The following PLA2R1 variants were observed in gnomAD, a reference collection of about 807,000 sequenced individuals.
PLA2R1 encodes the protein secretory phospholipase A2 receptor.
Under a neutral mutation model 195.9 loss-of-function variants are expected in PLA2R1, and 158 were observed. The observed-to-expected ratio is 0.81, with a 90% CI of 0.71 to 0.92. The LOEUF is 0.92. Ranked by LOEUF, PLA2R1 falls within the 40% of genes least tolerant of loss-of-function variation. The probability of loss-of-function intolerance (pLI) is 0.00; values close to 1 mark genes in which losing one functional copy is unlikely to be tolerated. For missense variants in PLA2R1, 1,626 were observed against 1,764.6 expected, an observed-to-expected ratio of 0.92 and a Z score of 1.41; for synonymous variants, 586 against 598.2, an observed-to-expected ratio of 0.98 and a Z score of 0.30.
At chr2:160,058,038 T>C (rs11901391) in intron 1 of PLA2R1, among the ~76,000 whole-genome samples, 36,709 of 151,882 alleles carry the variant, frequency 0.24, 5,141 homozygotes, top group East Asian at 0.4. Context: ...TGAGCCCCAG[T>C]GGTCTGTGGT....
Position 159,962,466 on chromosome 2 carries a change from C to G in PLA2R1, c.2904+5073G>C, listed in dbSNP as rs186659626. On this transcript the variant is annotated intron_variant, in intron 20 of 29. Transcript: ENST00000283243. ...GTAAATTAGTTAAACCATTGTGGAA[C>G]ACAGTGTGGTGATTCCCCAAGGATC... Among the ~76,000 whole-genome samples, 712 of 152,252 alleles carry G rather than the reference C, an allele frequency of 4.7e-3. 2 individuals carry two copies. Among genetic ancestry groups the G allele is most frequent in the Middle Eastern group, 0.014 (4 of 294 alleles).
chr2:159,948,595 T>G (rs1333044373), intron 25 of PLA2R1, among the ~76,000 whole-genome samples: 1 of 133,842 alleles, frequency 7.5e-6, no homozygotes, highest in Non-Finnish European at 1.5e-5. Flanking sequence ...ATTCAATAAA[T>G]GCATTGTTAT....
chr2:159,998,968 C>T (rs1482432368), intron 11 of PLA2R1, among the ~76,000 whole-genome samples: 9 of 152,152 alleles, frequency 5.9e-5, no homozygotes, highest in East Asian at 3.9e-4. Flanking sequence ...CCCTCCAAAA[C>T]GCATATGTGA....
At chr2:160,022,629 T>G (rs759954806) in intron 7 of PLA2R1, 36 bp downstream of exon 7, 2 of 1,295,916 alleles carry the variant, frequency 1.5e-6, no homozygotes, top group Admixed American at 4.5e-5. Context: ...TACATTATAT[T>G]TTATGCCTTT....
At chr2:159,994,156 T>A (rs1008717593) in intron 11 of PLA2R1, among the ~76,000 whole-genome samples, 78 of 151,338 alleles carry the variant, frequency 5.2e-4, no homozygotes, top group African/African-American at 1.6e-3. Context: ...AAAAAAAAAA[T>A]AAAATCTGAA....
Position 159,932,661 on chromosome 2 carries a change from G to GT in PLA2R1, c.*9116dup, listed in dbSNP as rs1407787389. On this transcript the variant is annotated 3_prime_UTR_variant, in exon 30 of 30. Coordinates refer to ENST00000283243, the MANE Select transcript of PLA2R1 (RefSeq NM_007366.5). The stretch of plus-strand genomic sequence containing the variant: ...CTACCAAGCTCTGTATACTAAGAAG[G>GT]TAAAAAGTAAAGTTTAAATAATCTC... The GT allele has an allele frequency of 6.6e-6, 1 of 152,146 alleles. No individual in the cohort carries two copies. Among genetic ancestry groups the GT allele is most frequent in the African/African-American group, 2.4e-5 (1 of 41,410 alleles). 9.4% of individuals were successfully genotyped at this position (152,146 alleles called of 1,614,324 possible).
intron 2 of PLA2R1, among the ~76,000 whole-genome samples, chr2:160,044,465 T>G (rs1446722041): frequency 2.6e-5 from 4 of 152,170 alleles, no homozygotes; most frequent in Non-Finnish European, 2.9e-5. Context: ...CGTCCTTTTC[T>G]CTCTCCCTCC....
At chr2:159,989,424 T>A (rs1350138916) in intron 11 of PLA2R1, among the ~76,000 whole-genome samples, 1 of 152,138 alleles carries the variant, frequency 6.6e-6, no homozygotes, top group Non-Finnish European at 1.5e-5. Flanking sequence ...AACGCACACA[T>A]CCTGCTCCAT....
chr2:160,048,937 T>G (rs1314416630), intron 1 of PLA2R1, among the ~76,000 whole-genome samples: 1 of 145,394 alleles, frequency 6.9e-6, no homozygotes, highest in Non-Finnish European at 1.5e-5. Context: ...GCCTCCCGGG[T>G]TCACGCCATT....
intron 8 of PLA2R1, among the ~76,000 whole-genome samples, chr2:160,019,542 C>G (rs1179667134): frequency 2.6e-5 from 4 of 152,228 alleles, no homozygotes; most frequent in African/African-American, 7.2e-5. Context: ...TATTCCTCTC[C>G]TAACCATTCT....
chr2:160,004,419 T>C (rs576548518), intron 11 of PLA2R1, among the ~76,000 whole-genome samples: 155 of 152,316 alleles, frequency 1.0e-3, no homozygotes, highest in Non-Finnish European at 1.2e-3. Flanking sequence ...CTTTTGTAAT[T>C]ATGAGAAACA....
chr2:160,025,555 A>G (rs55668231), intron 6 of PLA2R1, among the ~76,000 whole-genome samples: 49,645 of 136,004 alleles, frequency 0.37, 10,918 homozygotes, highest in Non-Finnish European at 0.5. Context: ...CATTATAACT[A>G]TGTTTTATGT....
At chr2:160,060,407 A>G (rs1349712860) in intron 1 of PLA2R1, among the ~76,000 whole-genome samples, 1 of 152,190 alleles carries the variant, frequency 6.6e-6, no homozygotes, top group Non-Finnish European at 1.5e-5. Flanking sequence ...TTGTATTGAC[A>G]GTAAAAACTT....
Position 159,956,646 on chromosome 2 carries a change from A to G in PLA2R1, c.2905-19T>C. The stretch of plus-strand genomic sequence containing the variant: ...GAAGGCACTATCAAAAAATGTCAAA[A>G]CAAAACATTCATTTCTGTATCTTTC... On this transcript the variant is annotated intron_variant, in intron 20 of 29. Transcript: ENST00000283243. 1 of 1,360,468 alleles carries G rather than the reference A, an allele frequency of 7.4e-7. No homozygotes were observed. Among genetic ancestry groups the G allele is most frequent in the Non-Finnish European group, 1.1e-6 (1 of 948,436 alleles). The allele number at this position is 1,360,468 out of a possible 1,614,324, so 84.3% of individuals were successfully genotyped here. A position where few individuals can be genotyped will look rare whatever the true frequency, so the allele number is the denominator to read the frequency against.
chr2:160,002,146 A>G (rs756297791), intron 11 of PLA2R1, among the ~76,000 whole-genome samples: 8 of 151,850 alleles, frequency 5.3e-5, no homozygotes, highest in Non-Finnish European at 1.0e-4. Context: ...ATTGACAACA[A>G]AAGGAACTAG....
At position 159,940,133 on chromosome 2, in the gene PLA2R1, C is replaced by T. The variant is rs1687023077; in HGVS notation, c.*1645G>A. 1 of 152,118 alleles carries T rather than the reference C, an allele frequency of 6.6e-6. No individual in the cohort carries two copies. The highest frequency in any genetic ancestry group is 2.4e-5 in the African/African-American group (1 of 41,436). The allele number at this position is 152,118 out of a possible 1,614,324, so 9.4% of individuals were successfully genotyped here. On this transcript the variant is annotated 3_prime_UTR_variant, in exon 30 of 30. Coordinates refer to ENST00000283243, the MANE Select transcript of PLA2R1 (RefSeq NM_007366.5). ...CCTCTTAGAAATTCATTCATACTTTCTCTCAGAGCTCCCCCTTGTGATTAG... is the reference window on the plus strand; with the variant it reads ...CCTCTTAGAAATTCATTCATACTTTTTCTCAGAGCTCCCCCTTGTGATTAG...
At chr2:159,978,501 G>A (rs1292942100) in intron 14 of PLA2R1, among the ~76,000 whole-genome samples, 1 of 152,158 alleles carries the variant, frequency 6.6e-6, no homozygotes, top group Non-Finnish European at 1.5e-5. Flanking sequence ...CTCGGCCACT[G>A]CTTCATGGCC....
In PLA2R1 at chr2:160,022,684, A is replaced by C; in HGVS notation, c.1275T>G (p.Leu425=). 1 of 1,598,408 alleles carries C rather than the reference A, an allele frequency of 6.3e-7. No individual in the cohort carries two copies. Among genetic ancestry groups the C allele is most frequent in the Non-Finnish European group, 8.5e-7 (1 of 1,170,780 alleles). ...ACTCACCATCTCCAAGGAGGGTTAC[A>C]AGAAACTCCACCTCTGCTAATGAGG... The part of the protein sequence containing the change: ...DITSLAEVEF[L]VTLLGDENAS... Residue 425 remains leucine, a synonymous_variant, in exon 7 of 30, where the codon CTT becomes CTG. Coordinates refer to ENST00000283243, the MANE Select transcript of PLA2R1 (RefSeq NM_007366.5).
At chr2:159,979,053 G>A (rs1055972089) in intron 14 of PLA2R1, among the ~76,000 whole-genome samples, 4 of 152,160 alleles carry the variant, frequency 2.6e-5, no homozygotes, top group Admixed American at 6.6e-5. Context: ...TCAGCTCAGC[G>A]CTTGGAACAG....
Sources: allele counts gnomAD v4.1 joint callset (sites outside exome capture counted in the v4.1 genomes callset), GRCh38; gene constraint gnomAD v4.1.1; transcripts MANE v1.5; gene names NCBI Gene and HGNC (gene_info 2026-07-23, HGNC 2026-07-21).